The following CACNA2D4 variants were observed in gnomAD, a reference collection of about 807,000 sequenced individuals.
The protein encoded by CACNA2D4 is voltage-dependent calcium channel subunit alpha-2/delta-4.
CACNA2D4 carries 157 observed loss-of-function variants against 163.8 expected under a neutral mutation model. The observed-to-expected ratio is 0.96, with a 90% CI of 0.84 to 1.09. The LOEUF is 1.09. Among genes scored for constraint, CACNA2D4 ranks in the 50% least tolerant of loss-of-function variants. The probability of loss-of-function intolerance (pLI) is 0.00; values close to 1 mark genes in which losing one functional copy is unlikely to be tolerated. For synonymous variants in CACNA2D4, 598 were observed against 586.9 expected, an observed-to-expected ratio of 1.02 and a Z score of -0.27; for missense variants, 1,410 against 1,479.9, an observed-to-expected ratio of 0.95 and a Z score of 0.78.
chr12:1,883,077 C>T lies in CACNA2D4; in HGVS notation c.1352-77G>A. ...CCCTCGCCAGGGCCTGCACCCTCCC[C>T]AGCTGCAGATGGCTCATAGCCGAAT... On this transcript the variant is annotated intron_variant, in intron 12 of 37. Transcript: ENST00000382722. This position sits in a 1 kb window ranked among gnomAD's most constrained non-coding sequence, Gnocchi z 4.5. 1 of 1,475,566 alleles carries T rather than the reference C, an allele frequency of 6.8e-7. No individual in the cohort carries two copies. Among genetic ancestry groups the T allele is most frequent in the Admixed American group, 2.0e-5 (1 of 50,098 alleles). The allele number at this position is 1,475,566 out of a possible 1,614,324, so 91.4% of individuals were successfully genotyped here.
chr12:1,860,703 A>G (rs529747523), intron 18 of CACNA2D4, among the ~76,000 whole-genome samples: 1 of 152,240 alleles, frequency 6.6e-6, no homozygotes, highest in African/African-American at 2.4e-5. Flanking sequence ...CTCGCCCTCA[A>G]AGACACCCAG....
chr12:1,835,120 C>T (rs541920598), intron 26 of CACNA2D4: 61 of 182,964 alleles, frequency 3.3e-4, no homozygotes, highest in Non-Finnish European at 6.0e-4. Context: ...ATTGAGGGGA[C>T]GGGGAGGGAG....
intron 13 of CACNA2D4, 75 bp from the exon 14 acceptor site, chr12:1,879,956 T>C (rs1865960180): frequency 1.1e-6 from 1 of 952,118 alleles, no homozygotes; most frequent in Non-Finnish European, 1.6e-6. Flanking sequence ...GAGCACCCAG[T>C]GCGGAGAACC....
intron 31 of CACNA2D4, 102 bp from the exon 32 acceptor site, chr12:1,800,540 G>T: frequency 3.4e-6 from 4 of 1,193,936 alleles, no homozygotes; most frequent in Non-Finnish European, 4.9e-6. Flanking sequence ...AGAGTGGGCT[G>T]CCCTGCCACT....
chr12:1,796,358 G>A (rs907839286), intron 35 of CACNA2D4, among the ~76,000 whole-genome samples: 1 of 152,250 alleles, frequency 6.6e-6, no homozygotes, highest in African/African-American at 2.4e-5. Flanking sequence ...GCACACCACA[G>A]CCGTGTATAC....
rs1865396359 is a variant in CACNA2D4 at position 1,856,197 on chromosome 12, G to C, written c.2041C>G (p.Leu681Val). 6.2e-7 allele frequency: 1 copy of C among 1,613,910 alleles called. No homozygotes were observed. Among genetic ancestry groups the C allele is most frequent in the Non-Finnish European group, 8.5e-7 (1 of 1,179,904 alleles). Residue 681 changes from leucine to valine, a missense_variant, in exon 21 of 38, where the codon CTG (leucine) becomes GTG (valine). Leu to Val is a conservative substitution (Grantham distance 32). Coordinates refer to ENST00000382722, the MANE Select transcript of CACNA2D4 (RefSeq NM_172364.5). ...CTCCTCACTTACCAGTCACCGGCCAGGGCCAGGTCTGGGTGAAGCAAGTCA... is the reference window on the plus strand; with the variant it reads ...CTCCTCACTTACCAGTCACCGGCCACGGCCAGGTCTGGGTGAAGCAAGTCA... The part of the protein sequence containing the change: ...LHDLLHPDLA[L>V]AGDWIYCITD...
At chr12:1,848,810 G>A (rs1014653134) in intron 23 of CACNA2D4, among the ~76,000 whole-genome samples, 4 of 149,664 alleles carry the variant, frequency 2.7e-5, no homozygotes, top group African/African-American at 7.5e-5. Flanking sequence ...TTCTCACTAC[G>A]TTGCCCAGGC....
In CACNA2D4 at chr12:1,886,640, C is replaced by T. The variant is rs552872644; in HGVS notation, c.843-267G>A. 2.0e-5 allele frequency among the ~76,000 whole-genome samples: 3 copies of T among 152,266 alleles called. No homozygotes were observed. In the East Asian group the frequency reaches 5.8e-4, roughly 29 times the overall value. On this transcript the variant is annotated intron_variant, in intron 7 of 37. Coordinates refer to ENST00000382722, the MANE Select transcript of CACNA2D4 (RefSeq NM_172364.5). ...CTTGTTCCTTTTGATTTAGACCAAC[C>T]GGGGTCCCTGAGGGGCTGGCAGCAG...
intron 26 of CACNA2D4, among the ~76,000 whole-genome samples, chr12:1,815,347 C>T (rs1863840252): frequency 1.4e-5 from 2 of 144,822 alleles, no homozygotes; most frequent in South Asian, 4.1e-4. Flanking sequence ...CCTGGAATGC[C>T]CTTCCCCTAG....
At chr12:1,880,568 A>G (rs1865972960) in intron 13 of CACNA2D4, among the ~76,000 whole-genome samples, 4 of 152,242 alleles carry the variant, frequency 2.6e-5, no homozygotes, top group Admixed American at 2.6e-4. Context: ...CCCACTTTAT[A>G]ACAAAAGTAG....
At chr12:1,910,049 C>G in intron 3 of CACNA2D4, 84 bp from the exon 4 acceptor site, 1 of 1,071,278 alleles carries the variant, frequency 9.3e-7, no homozygotes, top group Non-Finnish European at 1.4e-6. Flanking sequence ...TGCCGGGTGA[C>G]CCAGCAATCC....
At chr12:1,872,464 T>C (rs1865806903) in intron 18 of CACNA2D4, among the ~76,000 whole-genome samples, 1 of 152,194 alleles carries the variant, frequency 6.6e-6, no homozygotes, top group African/African-American at 2.4e-5. Context: ...CACAAGGCTT[T>C]TAGAAAGCTT....
chr12:1,816,256 A>G (rs778666565), intron 26 of CACNA2D4, among the ~76,000 whole-genome samples: 3 of 152,170 alleles, frequency 2.0e-5, no homozygotes, highest in Non-Finnish European at 4.4e-5. Context: ...TTCGGTGAAG[A>G]GAAATTCAGG....
chr12:1,847,693 A>C (rs1865180418), intron 23 of CACNA2D4, among the ~76,000 whole-genome samples: 1 of 152,214 alleles, frequency 6.6e-6, no homozygotes, highest in South Asian at 2.1e-4. Context: ...AAAAGCAGAG[A>C]GAATGGGCTA....
chr12:1,886,919 G>T, intron 7 of CACNA2D4, 90 bp downstream of exon 7: 2 of 844,252 alleles, frequency 2.4e-6, no homozygotes, highest in Non-Finnish European at 1.9e-6. Flanking sequence ...GGCGGTGGGG[G>T]AAGGGGCGGA....
At position 1,884,231 on chromosome 12, in the gene CACNA2D4, C is replaced by T; in HGVS notation, c.1351+12G>A. On this transcript the variant is annotated intron_variant, in intron 12 of 37. Transcript: ENST00000382722. Reference sequence around the variant, plus strand: ...GTGCAGGTGGGAAGGTACCTGCTGGCCCGGCACTCACCTTTGTTGTTGCAT... The same window carrying T: ...GTGCAGGTGGGAAGGTACCTGCTGGTCCGGCACTCACCTTTGTTGTTGCAT... 2.5e-6 allele frequency: 4 copies of T among 1,609,652 alleles called. No homozygotes were observed. The highest frequency in any genetic ancestry group is 2.5e-6 in the Non-Finnish European group (3 of 1,178,138).
intron 26 of CACNA2D4, among the ~76,000 whole-genome samples, chr12:1,816,793 C>T (rs890714484): frequency 1.3e-5 from 2 of 152,158 alleles, no homozygotes; most frequent in South Asian, 2.1e-4. Flanking sequence ...TATGCACACA[C>T]GGACACACAT....
chr12:1,901,889 CAT>C lies in CACNA2D4; in HGVS notation c.781+5549_781+5550del, dbSNP rs371740143. 2.3e-4 allele frequency among the ~76,000 whole-genome samples: 35 copies of C among 152,046 alleles called. No homozygotes were observed. In the East Asian group the frequency reaches 6.7e-3, roughly 29 times the overall value. ...TCCTGATACTGAAACCCAACAAAGA[CAT>C]ACCAAAACAAAAACCAACCAAACAA... On this transcript the variant is annotated intron_variant, in intron 6 of 37. Transcript: ENST00000382722.
chr12:1,838,198 G>A (rs996151663), intron 26 of CACNA2D4, among the ~76,000 whole-genome samples: 9 of 152,200 alleles, frequency 5.9e-5, no homozygotes, highest in Admixed American at 1.3e-4. Context: ...GGATGAACGC[G>A]ATCTCTACTG....
Sources: gnomAD v4.1 joint callset for allele counts (sites outside exome capture counted in the v4.1 genomes callset) on GRCh38, gnomAD v4.1.1 for gene constraint, Gnocchi (gnomAD v3.1) non-coding constraint, MANE v1.5 for transcripts, NCBI Gene and HGNC (gene_info 2026-07-23, HGNC 2026-07-21) for gene names.